ZNF608: variants seen among roughly 807,000 people sequenced by gnomAD.
ZNF608 encodes zinc finger protein 608, also known as renal carcinoma antigen NY-REN-36.
ZNF608 carries 12 observed loss-of-function variants against 109.0 expected under a neutral mutation model. The ratio of observed to expected loss-of-function variants is 0.11; its 90% CI spans 0.07 to 0.18. The LOEUF (loss-of-function observed/expected upper bound fraction) is 0.18. Among genes scored for constraint, ZNF608 ranks in the 10% least tolerant of loss-of-function variants. The probability of loss-of-function intolerance (pLI) is 1.00; values close to 1 mark genes in which losing one functional copy is unlikely to be tolerated. For synonymous variants in ZNF608, 732 were observed against 717.4 expected, an observed-to-expected ratio of 1.02 and a Z score of -0.33; for missense variants, 1,707 against 1,879.3, an observed-to-expected ratio of 0.91 and a Z score of 1.70.
chr5:124,675,702 C>T (rs1388940503), intron 3 of ZNF608, among the ~76,000 whole-genome samples: 2 of 152,196 alleles, frequency 1.3e-5, no homozygotes, highest in African/African-American at 4.8e-5. Context: ...TACCCTTAAT[C>T]TATCTGTTAT....
chr5:124,651,730 C>T (rs1459523547), intron 3 of ZNF608, among the ~76,000 whole-genome samples: 1 of 152,256 alleles, frequency 6.6e-6, no homozygotes, highest in African/African-American at 2.4e-5. Context: ...ACGCTGGCCG[C>T]GGATTGGCCG....
intron 3 of ZNF608, among the ~76,000 whole-genome samples, chr5:124,693,154 T>G (rs904497475): frequency 5.3e-5 from 8 of 152,266 alleles, no homozygotes; most frequent in African/African-American, 1.7e-4. Context: ...TTTTAAGTTA[T>G]GTGAATTATA....
intron 2 of ZNF608, among the ~76,000 whole-genome samples, chr5:124,721,305 C>A (rs1277600552): frequency 1.3e-5 from 2 of 152,144 alleles, no homozygotes; most frequent in Non-Finnish European, 2.9e-5. Flanking sequence ...AGTTTTAAGG[C>A]TCTTTTTTCC....
chr5:124,742,102 A>G (rs975506461), intron 2 of ZNF608, among the ~76,000 whole-genome samples: 3 of 152,046 alleles, frequency 2.0e-5, no homozygotes, highest in Non-Finnish European at 1.5e-5. Context: ...TCACATTTAT[A>G]CTGCTCTAAC....
At chr5:124,651,365 T>G (rs1750764330) in intron 3 of ZNF608, among the ~76,000 whole-genome samples, 2 of 152,154 alleles carry the variant, frequency 1.3e-5, no homozygotes, top group African/African-American at 4.8e-5. Flanking sequence ...GAGCTGGTTT[T>G]CTCATCATCT....
At chr5:124,739,495 A>T (rs1327798573) in intron 2 of ZNF608, among the ~76,000 whole-genome samples, 1 of 152,200 alleles carries the variant, frequency 6.6e-6, no homozygotes, top group Non-Finnish European at 1.5e-5. Flanking sequence ...TCCAGGGGGA[A>T]AATTGACAGA....
intron 9 of ZNF608, among the ~76,000 whole-genome samples, chr5:124,638,345 C>T (rs1245677203): frequency 2.6e-5 from 4 of 152,142 alleles, no homozygotes; most frequent in African/African-American, 9.7e-5. Context: ...CAACCTCCAC[C>T]TCCTGGGTTC....
intron 3 of ZNF608, among the ~76,000 whole-genome samples, chr5:124,651,742 C>T (rs1306161306): frequency 6.6e-6 from 1 of 152,260 alleles, no homozygotes; most frequent in South Asian, 2.1e-4. Flanking sequence ...GATTGGCCGG[C>T]GCCCGCTGCG....
chr5:124,643,784 A>C, intron 6 of ZNF608, 101 bp from the exon 7 acceptor site: 1 of 1,174,750 alleles, frequency 8.5e-7, no homozygotes, highest in Non-Finnish European at 1.2e-6. Context: ...AGAGATCTTA[A>C]AATAGGGGGT....
chr5:124,665,180 CAAAA>C (rs5871098), intron 3 of ZNF608, among the ~76,000 whole-genome samples: 1 of 135,594 alleles, frequency 7.4e-6, no homozygotes, highest in Non-Finnish European at 1.6e-5. Context: ...CACCTCCCCC[CAAAA>C]AAAAAAAAAA....
chr5:124,747,892 A>T (rs564819321), upstream of ZNF608, among the ~76,000 whole-genome samples: 1 of 152,140 alleles, frequency 6.6e-6, no homozygotes, highest in Non-Finnish European at 1.5e-5. Flanking sequence ...CCCCCACTTC[A>T]TGTATTAAAC....
At chr5:124,735,576 C>T (rs1356578886) in intron 2 of ZNF608, among the ~76,000 whole-genome samples, 2 of 152,202 alleles carry the variant, frequency 1.3e-5, no homozygotes, top group Non-Finnish European at 2.9e-5. Flanking sequence ...GAGAAGGCTT[C>T]TTTATTTTAA....
intron 2 of ZNF608, among the ~76,000 whole-genome samples, chr5:124,743,198 A>G (rs1302144921): frequency 6.6e-6 from 1 of 152,216 alleles, no homozygotes; most frequent in East Asian, 1.9e-4. Context: ...TAAATCAACC[A>G]TCCACACCGT....
upstream of ZNF608, among the ~76,000 whole-genome samples, chr5:124,747,459 G>C (rs1221886686): frequency 2.6e-5 from 4 of 151,930 alleles, no homozygotes; most frequent in African/African-American, 7.2e-5. Context: ...CCATCTAAAA[G>C]GAGCGATTTT....
At chr5:124,639,030 ACC>A in intron 9 of ZNF608, 101 bp downstream of exon 9, 3 of 1,119,820 alleles carry the variant, frequency 2.7e-6, no homozygotes, top group African/African-American at 1.6e-5. Flanking sequence ...ATGATATAAA[ACC>A]CAAGGAGTTA....
At chr5:124,736,611 G>A (rs1478536722) in intron 2 of ZNF608, among the ~76,000 whole-genome samples, 2 of 152,050 alleles carry the variant, frequency 1.3e-5, no homozygotes, top group African/African-American at 4.8e-5. Flanking sequence ...CTCCAGCATG[G>A]GGAAAATTTT....
chr5:124,694,679 G>A (rs1052231603), intron 3 of ZNF608, among the ~76,000 whole-genome samples: 2 of 151,818 alleles, frequency 1.3e-5, no homozygotes, highest in African/African-American at 4.8e-5. Flanking sequence ...CCATTAACTC[G>A]TCATTTACAT....
chr5:124,730,627 T>C (rs770437840), intron 2 of ZNF608, among the ~76,000 whole-genome samples: 109 of 152,328 alleles, frequency 7.2e-4, no homozygotes, highest in Non-Finnish European at 1.2e-3. Context: ...TATTAGACTT[T>C]GGTGTAAACA....
At chr5:124,691,529 T>C (rs1056285406) in intron 3 of ZNF608, among the ~76,000 whole-genome samples, 1 of 152,234 alleles carries the variant, frequency 6.6e-6, no homozygotes, top group Admixed American at 6.5e-5. Flanking sequence ...GATGTCTGTA[T>C]TCCCATGTTC....
Sources: allele counts gnomAD v4.1 joint callset (sites outside exome capture counted in the v4.1 genomes callset), GRCh38; gene constraint gnomAD v4.1.1; transcripts MANE v1.5; gene names NCBI Gene and HGNC (gene_info 2026-07-23, HGNC 2026-07-21).